FSHR: variants seen among roughly 807,000 people sequenced by gnomAD.
FSHR encodes the protein follicle stimulating hormone receptor.
In FSHR, 46 loss-of-function variants were observed where a neutral mutation model predicts 52.1. The observed-to-expected ratio is 0.88, with a 90% CI of 0.70 to 1.13. FSHR has a LOEUF of 1.13. Among genes scored for constraint, FSHR ranks in the 50% most tolerant of loss-of-function variants. The probability of loss-of-function intolerance (pLI) is 0.00; values close to 1 mark genes in which losing one functional copy is unlikely to be tolerated. For synonymous variants in FSHR, 399 were observed against 309.6 expected (o/e 1.29, Z -3.03); for missense variants, 964 against 834.6 (o/e 1.16, Z -1.91).
intron 1 of FSHR, among the ~76,000 whole-genome samples, chr2:49,091,332 C>A (rs1178990449): frequency 6.6e-6 from 1 of 152,078 alleles, no homozygotes; most frequent in Non-Finnish European, 1.5e-5. Context: ...GAGACATGGT[C>A]TTGTTCTGTC....
intron 2 of FSHR, among the ~76,000 whole-genome samples, chr2:49,062,028 C>A (rs1669330959): frequency 6.6e-6 from 1 of 151,490 alleles, no homozygotes; most frequent in Non-Finnish European, 1.5e-5. Flanking sequence ...ACATTATGAA[C>A]ATTAAATTTA....
chr2:48,976,349 G>A (rs750169591), intron 8 of FSHR, among the ~76,000 whole-genome samples: 2 of 152,180 alleles, frequency 1.3e-5, no homozygotes, highest in Non-Finnish European at 2.9e-5. Flanking sequence ...CTTGATCGTG[G>A]TGGATAAGCT....
intron 4 of FSHR, among the ~76,000 whole-genome samples, chr2:49,004,501 C>T (rs1174299687): frequency 6.6e-6 from 1 of 152,148 alleles, no homozygotes; most frequent in Admixed American, 6.5e-5. Context: ...TCAGGACAGG[C>T]AGTGACACTG....
intron 8 of FSHR, among the ~76,000 whole-genome samples, chr2:48,971,617 C>G (rs1674745643): frequency 6.6e-6 from 1 of 152,158 alleles, no homozygotes; most frequent in African/African-American, 2.4e-5. Flanking sequence ...TCTTTGTTAG[C>G]TGTCAATTAG....
intron 2 of FSHR, among the ~76,000 whole-genome samples, chr2:49,046,626 G>C (rs752017676): frequency 2.6e-5 from 4 of 152,204 alleles, no homozygotes; most frequent in Non-Finnish European, 4.4e-5. Context: ...AGAACTCCTT[G>C]AGTGCAGGGA....
intron 2 of FSHR, among the ~76,000 whole-genome samples, chr2:49,056,960 A>C (rs1669087616): frequency 6.6e-6 from 1 of 152,066 alleles, no homozygotes; most frequent in African/African-American, 2.4e-5. Context: ...ATCTTTCTTA[A>C]ATGAAAATGA....
chr2:49,093,631 G>T lies in FSHR; in HGVS notation c.153-25341C>A, dbSNP rs201729150. 2.3e-4 allele frequency among the ~76,000 whole-genome samples: 28 copies of T among 119,806 alleles called. No homozygotes were observed. The East Asian group carries it at 5.1e-3, about 22-fold the overall frequency. The allele number at this position is 119,806 out of a possible 152,430, so 78.6% of individuals were successfully genotyped here. On this transcript the variant is annotated intron_variant, in intron 1 of 9. Coordinates refer to ENST00000406846, the MANE Select transcript of FSHR (RefSeq NM_000145.4). ...TTTTTTTGAGACGGAGTCTTGCTCT[G>T]TCTCCCAGGCTGGAGTTCATTGGTA...
chr2:49,033,045 T>C (rs769090484), intron 2 of FSHR, among the ~76,000 whole-genome samples: 3 of 152,226 alleles, frequency 2.0e-5, no homozygotes, highest in Non-Finnish European at 4.4e-5. Context: ...TTTTCCTCTG[T>C]CACCAACCAC....
At chr2:48,981,666 A>G (rs1430790655) in intron 8 of FSHR, among the ~76,000 whole-genome samples, 1 of 152,242 alleles carries the variant, frequency 6.6e-6, no homozygotes, top group African/African-American at 2.4e-5. Flanking sequence ...AATCTCATAT[A>G]TAGATCACAA....
intron 1 of FSHR, among the ~76,000 whole-genome samples, chr2:49,079,387 T>C (rs550807024): frequency 6.6e-6 from 1 of 152,258 alleles, no homozygotes; most frequent in South Asian, 2.1e-4. Context: ...ATGTGGAAAT[T>C]AACTGGCTGA....
intron 6 of FSHR, among the ~76,000 whole-genome samples, chr2:48,985,496 G>C (rs1394660221): frequency 6.6e-6 from 1 of 152,056 alleles, no homozygotes; most frequent in Non-Finnish European, 1.5e-5. Context: ...TCCCCATTCA[G>C]GCACTCTGCT....
chr2:49,052,824 G>A (rs897626847), intron 2 of FSHR, among the ~76,000 whole-genome samples: 2 of 152,142 alleles, frequency 1.3e-5, no homozygotes, highest in African/African-American at 4.8e-5. Flanking sequence ...GTAACAAGGG[G>A]GTGCTCTGAA....
chr2:48,979,925 T>C (rs1304181443), intron 8 of FSHR, among the ~76,000 whole-genome samples: 2 of 152,150 alleles, frequency 1.3e-5, no homozygotes, highest in South Asian at 2.1e-4. Context: ...CTCCTACTCT[T>C]ACCTCTTAAC....
chr2:49,037,265 T>A (rs1163242744), intron 2 of FSHR, among the ~76,000 whole-genome samples: 1 of 152,224 alleles, frequency 6.6e-6, no homozygotes, highest in African/African-American at 2.4e-5. Flanking sequence ...CTAGGCACAG[T>A]GACCTCAAGA....
chr2:49,073,439 G>C (rs1453807679), intron 1 of FSHR, among the ~76,000 whole-genome samples: 1 of 151,724 alleles, frequency 6.6e-6, no homozygotes, highest in Non-Finnish European at 1.5e-5. Context: ...AATTCAAGAA[G>C]GCAACCTCAT....
rs779111613 is a variant in FSHR, at chr2:49,020,158, T to G, written c.227A>C (p.Glu76Ala). 1.2e-6 allele frequency: 2 copies of G among 1,612,798 alleles called. No homozygotes were observed. The highest frequency in any genetic ancestry group is 2.2e-5 in the South Asian group (2 of 91,058). The change falls in exon 3 of 10, where the codon GAG becomes GCG. Residue 76 changes from glutamate (E) to alanine (A), a missense_variant and splice_region_variant. Physicochemically the swap from Glu to Ala is moderately radical, Grantham distance 107. Transcript: ENST00000406846. ...CTCCAAGACATCATTCTGAGAGATC[T>G]CTCTGTGGAGAAAAAAATATATAAG... ...FSGFGDLEKI[E>A]ISQNDVLEVI...
intron 1 of FSHR, among the ~76,000 whole-genome samples, chr2:49,074,550 C>A (rs1669876287): frequency 6.6e-6 from 1 of 152,014 alleles, no homozygotes; most frequent in African/African-American, 2.4e-5. Context: ...AAAGGGAACA[C>A]ATAAATACTG....
intron 2 of FSHR, among the ~76,000 whole-genome samples, chr2:49,024,914 C>G (rs1006620926): frequency 6.6e-6 from 1 of 152,222 alleles, no homozygotes; most frequent in South Asian, 2.1e-4. Context: ...GTTACTGCCC[C>G]TTGCATATTG....
intron 9 of FSHR, among the ~76,000 whole-genome samples, chr2:48,967,718 G>A (rs1573018071): frequency 6.6e-6 from 1 of 152,186 alleles, no homozygotes; most frequent in Non-Finnish European, 1.5e-5. Flanking sequence ...TTTAGGGTGG[G>A]TACTGTTTTG....
Sources: gnomAD v4.1 joint callset for allele counts (sites outside exome capture counted in the v4.1 genomes callset) on GRCh38, gnomAD v4.1.1 for gene constraint, MANE v1.5 for transcripts, NCBI Gene and HGNC (gene_info 2026-07-23, HGNC 2026-07-21) for gene names.